The following STARD3NL variants were observed in gnomAD, a reference collection of about 807,000 sequenced individuals.
STARD3NL encodes STARD3 N-terminal like, also known as STARD3 N-terminal-like protein.
In STARD3NL, 17 loss-of-function variants were observed where a neutral mutation model predicts 30.9. The observed-to-expected ratio is 0.55, with a 90% confidence interval of 0.38 to 0.82. The LOEUF is 0.82. Among genes scored for constraint, STARD3NL ranks in the 40% least tolerant of loss-of-function variants. STARD3NL has a pLI of 0.00. For missense variants in STARD3NL, 234 were observed against 277.6 expected, an observed-to-expected ratio of 0.84 and a Z score of 1.12; for synonymous variants, 112 against 100.5, an observed-to-expected ratio of 1.11 and a Z score of -0.69.
At chr7:38,193,000 C>T (rs1784752034) in intron 1 of STARD3NL, among the ~76,000 whole-genome samples, 1 of 152,088 alleles carries the variant, frequency 6.6e-6, no homozygotes, top group Non-Finnish European at 1.5e-5. Context: ...ATCCTTCCCT[C>T]TCTATGTGTT....
At chr7:38,205,271 CA>C (rs1484171366) in intron 1 of STARD3NL, among the ~76,000 whole-genome samples, 1 of 152,178 alleles carries the variant, frequency 6.6e-6, no homozygotes, top group African/African-American at 2.4e-5. Flanking sequence ...AGCAACACAT[CA>C]AAAAGCTTAT....
intron 1 of STARD3NL, chr7:38,202,232 T>G (rs1430331834): frequency 6.6e-6 from 1 of 152,248 alleles, no homozygotes; most frequent in Non-Finnish European, 1.5e-5. Context: ...CTTATTATTT[T>G]CTTTCCTTTT....
chr7:38,187,916 T>G (rs1426818675), intron 1 of STARD3NL, among the ~76,000 whole-genome samples: 3 of 152,148 alleles, frequency 2.0e-5, no homozygotes, highest in Non-Finnish European at 4.4e-5. Context: ...GTCCTCATTT[T>G]CTCCCATACC....
At chr7:38,218,222 A>G (rs1786236237) in intron 6 of STARD3NL, among the ~76,000 whole-genome samples, 1 of 152,148 alleles carries the variant, frequency 6.6e-6, no homozygotes, top group Non-Finnish European at 1.5e-5. Flanking sequence ...CCTGCCTCAT[A>G]GGAAAAAAAA....
intron 2 of STARD3NL, among the ~76,000 whole-genome samples, chr7:38,211,884 G>A (rs1479893937): frequency 1.3e-5 from 2 of 152,150 alleles, no homozygotes; most frequent in Non-Finnish European, 2.9e-5. Flanking sequence ...CTAAAAGTAA[G>A]TCCTGTCAAA....
intron 7 of STARD3NL, among the ~76,000 whole-genome samples, chr7:38,220,058 C>G (rs987484800): frequency 6.6e-6 from 1 of 152,206 alleles, no homozygotes; most frequent in Non-Finnish European, 1.5e-5. Context: ...TCACCCCGTT[C>G]TTATGGCTCA....
chr7:38,222,292 A>G (rs1786515573), intron 7 of STARD3NL, among the ~76,000 whole-genome samples: 1 of 152,218 alleles, frequency 6.6e-6, no homozygotes, highest in African/African-American at 2.4e-5. Flanking sequence ...GAGATTCTGG[A>G]CTATTGGTGT....
intron 6 of STARD3NL, among the ~76,000 whole-genome samples, chr7:38,217,551 G>A (rs1458657857): frequency 6.6e-6 from 1 of 152,188 alleles, no homozygotes; most frequent in East Asian, 1.9e-4. Context: ...TGTGAACACT[G>A]GTGAAAAGGG....
At chr7:38,189,536 T>G (rs1464097625) in intron 1 of STARD3NL, among the ~76,000 whole-genome samples, 1 of 152,220 alleles carries the variant, frequency 6.6e-6, no homozygotes, top group Non-Finnish European at 1.5e-5. Context: ...TAAAAGCTTG[T>G]GGTGTATGTT....
intron 1 of STARD3NL, among the ~76,000 whole-genome samples, chr7:38,182,618 T>C (rs1184756353): frequency 6.6e-6 from 1 of 152,272 alleles, no homozygotes; most frequent in East Asian, 1.9e-4. Flanking sequence ...CTCAGGCCTT[T>C]CCAGTTGTTT....
intron 7 of STARD3NL, among the ~76,000 whole-genome samples, chr7:38,221,265 G>C (rs540109029): frequency 6.6e-6 from 1 of 152,250 alleles, no homozygotes; most frequent in East Asian, 1.9e-4. Flanking sequence ...GTCAGGTGCT[G>C]TTCTAAGCTT....
At chr7:38,205,693 A>T (rs993289033) in intron 1 of STARD3NL, among the ~76,000 whole-genome samples, 1 of 152,182 alleles carries the variant, frequency 6.6e-6, no homozygotes, top group African/African-American at 2.4e-5. Flanking sequence ...TGAATTTTTC[A>T]TGAGCCAACA....
intron 1 of STARD3NL, among the ~76,000 whole-genome samples, chr7:38,190,867 G>A (rs2079849): frequency 0.83 from 125,852 of 152,070 alleles, 52,236 homozygotes; most frequent in African/African-American, 0.88. Flanking sequence ...GTTTATTATT[G>A]TTATTTTTAA....
intron 2 of STARD3NL, 152 bp from the exon 3 acceptor site, chr7:38,214,205 T>C (rs1785971018): frequency 3.7e-6 from 2 of 535,820 alleles, no homozygotes; most frequent in Non-Finnish European, 6.6e-6. Flanking sequence ...CATCTAGCCC[T>C]TTTCTATTAA....
chr7:38,185,839 C>A (rs1784436972), intron 1 of STARD3NL, among the ~76,000 whole-genome samples: 1 of 152,144 alleles, frequency 6.6e-6, no homozygotes, highest in African/African-American at 2.4e-5. Flanking sequence ...AGGATAGTTA[C>A]TAAAAGAAGG....
Position 38,207,441 on chromosome 7 carries a change from C to A in STARD3NL, c.-58-6C>A. On this transcript the variant is annotated splice_region_variant and splice_polypyrimidine_tract_variant and intron_variant, in intron 1 of 8. Coordinates refer to ENST00000009041, the MANE Select transcript of STARD3NL (RefSeq NM_032016.4). ...TAACATGGTGTCTCTTTTTTATTTCCCAAAGGTGTCTTCTCTTTAGGGATG... is the reference window on the plus strand; with the variant it reads ...TAACATGGTGTCTCTTTTTTATTTCACAAAGGTGTCTTCTCTTTAGGGATG... 1 of 1,394,288 alleles carries A rather than the reference C, an allele frequency of 7.2e-7. No individual in the cohort carries two copies. The highest frequency in any genetic ancestry group is 9.9e-7 in the Non-Finnish European group (1 of 1,008,934). 86.4% of individuals were successfully genotyped at this position (1,394,288 alleles called of 1,614,324 possible).
chr7:38,215,465 A>G, intron 4 of STARD3NL: 1 of 243,498 alleles, frequency 4.1e-6, no homozygotes, highest in South Asian at 7.9e-5. Context: ...CTGCTTAGTG[A>G]TTGTTTTCAT....
At chr7:38,180,480 G>A (rs991501200) in intron 1 of STARD3NL, among the ~76,000 whole-genome samples, 2 of 152,196 alleles carry the variant, frequency 1.3e-5, no homozygotes, top group African/African-American at 4.8e-5. Context: ...CTTCATTAGA[G>A]CTTGTATTAC....
At chr7:38,228,979 G>A (rs1442583654) in intron 8 of STARD3NL, 108 bp downstream of exon 8, 8 of 682,610 alleles carry the variant, frequency 1.2e-5, no homozygotes, top group Non-Finnish European at 1.9e-5. Context: ...GATAGCCAGA[G>A]TTATCTTACT....
Sources: allele counts gnomAD v4.1 joint callset (sites outside exome capture counted in the v4.1 genomes callset), GRCh38; gene constraint gnomAD v4.1.1; transcripts MANE v1.5; gene names NCBI Gene and HGNC (gene_info 2026-07-23, HGNC 2026-07-21).